CCDC171: variants seen among roughly 807,000 people sequenced by gnomAD.
CCDC171 encodes the protein coiled-coil domain-containing protein 171.
In CCDC171, 177 loss-of-function variants were observed where a neutral mutation model predicts 168.2. The ratio of observed to expected loss-of-function variants is 1.05; its 90% confidence interval spans 0.93 to 1.19. The LOEUF is 1.19. CCDC171 is among the 50% of genes most tolerant of loss of function. The pLI is 0.00. For missense variants in CCDC171, 1,991 were observed against 1,539.0 expected, an observed-to-expected ratio of 1.29 and a Z score of -4.91; for synonymous variants, 687 against 540.8, an observed-to-expected ratio of 1.27 and a Z score of -3.75.
intron 23 of CCDC171, among the ~76,000 whole-genome samples, chr9:15,869,513 G>GTTTTTT (rs72548935): frequency 6.8e-6 from 1 of 147,970 alleles, no homozygotes. Context: ...AAAGCGTAGT[G>GTTTTTT]TTTTTTTTTT....
At chr9:16,011,679 T>G (rs1007727756) in intron 3 of CCDC171, among the ~76,000 whole-genome samples, 1 of 152,256 alleles carries the variant, frequency 6.6e-6, no homozygotes, top group African/African-American at 2.4e-5. Flanking sequence ...TCATTCAGCA[T>G]TTTCTGAGTT....
intron 1 of CCDC171, among the ~76,000 whole-genome samples, chr9:16,052,043 C>G (rs1427545742): frequency 3.9e-5 from 6 of 152,180 alleles, no homozygotes; most frequent in Non-Finnish European, 7.4e-5. Flanking sequence ...GATTCAATTA[C>G]CTCCCACCAA....
At chr9:15,872,052 A>C (rs1169130074) in intron 23 of CCDC171, among the ~76,000 whole-genome samples, 3 of 152,020 alleles carry the variant, frequency 2.0e-5, no homozygotes, top group Non-Finnish European at 4.4e-5. Flanking sequence ...AAATTTTAGT[A>C]GAAGTATTTG....
chr9:15,741,843 T>G (rs2054899521), intron 16 of CCDC171, among the ~76,000 whole-genome samples: 1 of 152,190 alleles, frequency 6.6e-6, no homozygotes, highest in South Asian at 2.1e-4. Context: ...TGTTCTTGCA[T>G]TGCTCCGGAA....
chr9:16,076,870 A>G, the CCDC171 span, among the ~76,000 whole-genome samples: 2 of 152,144 alleles, frequency 1.3e-5, no homozygotes, highest in South Asian at 4.1e-4. Context: ...CCGGTATTTG[A>G]TGGACATTTC....
intron 24 of CCDC171, among the ~76,000 whole-genome samples, chr9:15,880,539 C>A (rs1294631194): frequency 6.6e-6 from 1 of 151,588 alleles, no homozygotes; most frequent in African/African-American, 2.4e-5. Context: ...TCATTCCAAC[C>A]TCCCGCAACC....
At chr9:15,856,961 G>T (rs1256837407) in intron 23 of CCDC171, among the ~76,000 whole-genome samples, 1 of 151,912 alleles carries the variant, frequency 6.6e-6, no homozygotes, top group East Asian at 1.9e-4. Context: ...TGATGATAGT[G>T]ACATTGAGGA....
intron 25 of CCDC171, among the ~76,000 whole-genome samples, chr9:15,957,100 T>C (rs1353202884): frequency 6.6e-6 from 1 of 151,662 alleles, no homozygotes; most frequent in Non-Finnish European, 1.5e-5. Context: ...ATTCAAGATA[T>C]GGAATGACTA....
chr9:15,729,519 A>T, intron 15 of CCDC171, 91 bp from the exon 16 acceptor site: 1 of 685,556 alleles, frequency 1.5e-6, no homozygotes, highest in Non-Finnish European at 2.3e-6. Flanking sequence ...AATAAAATAT[A>T]GTAGGACATT....
chr9:15,669,656 C>T (rs922157960), intron 9 of CCDC171, among the ~76,000 whole-genome samples: 1 of 152,034 alleles, frequency 6.6e-6, no homozygotes, highest in African/African-American at 2.4e-5. Flanking sequence ...CAACTGATTG[C>T]TGGGCAATAG....
chr9:15,671,902 G>C lies in CCDC171; in HGVS notation c.1076+5579G>C, dbSNP rs2049143258. Among the ~76,000 whole-genome samples the C allele has an allele frequency of 2.6e-5, 4 of 152,294 alleles. No individual in the cohort carries two copies. The South Asian group carries it at 8.3e-4, about 32-fold the overall frequency. On this transcript the variant is annotated intron_variant, in intron 9 of 25. Transcript: ENST00000380701. ...ATCGCTGCGTCAAGTGGTATTTCTAGTTCTAGATCCTTGAGGAATTGCCAC... is the reference window on the plus strand; with the variant it reads ...ATCGCTGCGTCAAGTGGTATTTCTACTTCTAGATCCTTGAGGAATTGCCAC...
chr9:15,646,513 T>C (rs1001081441), intron 7 of CCDC171, among the ~76,000 whole-genome samples: 1 of 152,132 alleles, frequency 6.6e-6, no homozygotes, highest in African/African-American at 2.4e-5. Flanking sequence ...ACCCATCTCA[T>C]GTGCAGAGAC....
upstream of CCDC171, among the ~76,000 whole-genome samples, chr9:16,040,469 A>G (rs758902223): frequency 6.6e-6 from 1 of 152,096 alleles, no homozygotes; most frequent in Non-Finnish European, 1.5e-5. Flanking sequence ...CCGCAGAGAG[A>G]AAGGCAGGCG....
At chr9:15,609,538 T>C (rs1013234092) in intron 6 of CCDC171, among the ~76,000 whole-genome samples, 10 of 152,336 alleles carry the variant, frequency 6.6e-5, no homozygotes, top group African/African-American at 2.2e-4. Flanking sequence ...ATTTTGTTTT[T>C]CCAAATAGAT....
chr9:15,571,549 A>G, intron 2 of CCDC171, 75 bp from the exon 3 acceptor site: 1 of 1,225,988 alleles, frequency 8.2e-7, no homozygotes, highest in Non-Finnish European at 1.1e-6. Flanking sequence ...AAAATAAGTT[A>G]TCAAAAATAT....
intron 25 of CCDC171, among the ~76,000 whole-genome samples, chr9:15,921,797 T>A (rs1453013099): frequency 2.6e-5 from 4 of 151,630 alleles, no homozygotes; most frequent in African/African-American, 7.3e-5. Context: ...GTATTTGGAA[T>A]TTATTCTAGC....
At chr9:15,874,286 C>G (rs924823718) in intron 23 of CCDC171, among the ~76,000 whole-genome samples, 5 of 152,066 alleles carry the variant, frequency 3.3e-5, no homozygotes, top group South Asian at 2.1e-4. Context: ...ATCAGAAGAG[C>G]TCTAGTGACT....
At chr9:15,949,586 T>A (rs1828865697) in intron 25 of CCDC171, among the ~76,000 whole-genome samples, 1 of 152,232 alleles carries the variant, frequency 6.6e-6, no homozygotes, top group African/African-American at 2.4e-5. Flanking sequence ...GGGAGTTCAC[T>A]CATGATTTGG....
intron 6 of CCDC171, among the ~76,000 whole-genome samples, chr9:15,616,940 T>G (rs1174374032): frequency 6.6e-6 from 1 of 152,182 alleles, no homozygotes; most frequent in Non-Finnish European, 1.5e-5. Context: ...TCTGTATGCT[T>G]TACAGGAAGC....
Sources: allele counts gnomAD v4.1 joint callset (sites outside exome capture counted in the v4.1 genomes callset), GRCh38; gene constraint gnomAD v4.1.1; transcripts MANE v1.5; gene names NCBI Gene and HGNC (gene_info 2026-07-23, HGNC 2026-07-21).